The following CDKN2B-AS1 variants were observed in gnomAD, a reference collection of about 807,000 sequenced individuals.
CDKN2B-AS1 encodes CDKN2B and CDKN2A antisense cis and trans regulatory RNA 1, also known as CDKN2B antisense RNA 1 (non-protein coding).
intron 3 of CDKN2B-AS1, among the ~76,000 whole-genome samples, chr9:22,054,094 T>C (rs1288490763): frequency 1.3e-5 from 2 of 152,240 alleles, no homozygotes; most frequent in East Asian, 3.8e-4. Flanking sequence ...GCACATACTA[T>C]AAGCTGGTGA....
At position 22,050,846 on chromosome 9, in the gene CDKN2B-AS1, C is replaced by T. The variant is rs559870944; in HGVS notation, n.302+1618C>T. On this transcript the variant is annotated intron_variant and non_coding_transcript_variant, in intron 3 of 4. Coordinates refer to ENST00000650946, the Ensembl canonical transcript of CDKN2B-AS1. ...CTGATATCACCCTTCAAATAGTTCA[C>T]CTCAGTGGGATCCAGTGTGTGACCT... Among the ~76,000 whole-genome samples the T allele has an allele frequency of 4.6e-5, 7 of 152,298 alleles. No homozygotes were observed. The East Asian group carries it at 1.4e-3, about 29-fold the overall frequency.
At chr9:22,099,795 A>G (rs1002032574) in intron 4 of CDKN2B-AS1, among the ~76,000 whole-genome samples, 2 of 152,202 alleles carry the variant, frequency 1.3e-5, no homozygotes, top group Admixed American at 1.3e-4. Flanking sequence ...CAAGTTGTGG[A>G]AAAAAGGTGT....
chr9:22,101,772 A>G (rs1387195622), intron 4 of CDKN2B-AS1, among the ~76,000 whole-genome samples: 1 of 152,052 alleles, frequency 6.6e-6, no homozygotes, highest in African/African-American at 2.4e-5. Flanking sequence ...AGAGAGGCCT[A>G]GAAGCAAGAG....
intron 1 of CDKN2B-AS1, chr9:22,029,363 G>T (rs1026816349): frequency 1.3e-6 from 1 of 764,396 alleles, no homozygotes; most frequent in South Asian, 1.4e-5. Context: ...ATTCCTGATG[G>T]AATGTTTAGT....
chr9:22,081,193 C>G (rs1207953546), intron 4 of CDKN2B-AS1, among the ~76,000 whole-genome samples: 1 of 150,742 alleles, frequency 6.6e-6, no homozygotes, highest in Non-Finnish European at 1.5e-5. Context: ...TTTTGTCATA[C>G]AAGTTTTTAA....
intron 1 of CDKN2B-AS1, among the ~76,000 whole-genome samples, chr9:22,042,532 T>C (rs1374698480): frequency 6.6e-6 from 1 of 152,052 alleles, no homozygotes; most frequent in Non-Finnish European, 1.5e-5. Flanking sequence ...ATCTGTGTGG[T>C]TGTGAGTCAA....
chr9:22,091,452 C>T (rs1477250620), intron 4 of CDKN2B-AS1, among the ~76,000 whole-genome samples: 3 of 152,084 alleles, frequency 2.0e-5, no homozygotes, highest in African/African-American at 7.2e-5. Context: ...ATTCTTCCTA[C>T]CCATGAGCAT....
At chr9:22,065,643 T>C (rs1824004616) in intron 4 of CDKN2B-AS1, 2 of 152,070 alleles carry the variant, frequency 1.3e-5, no homozygotes, top group African/African-American at 4.8e-5. Flanking sequence ...CTACTGACAG[T>C]GATTTTTTTC....
intron 1 of CDKN2B-AS1, among the ~76,000 whole-genome samples, chr9:22,013,792 C>CT (rs1043431668): frequency 3.3e-5 from 5 of 151,536 alleles, no homozygotes; most frequent in African/African-American, 4.8e-5. Context: ...CTTTTGCCTT[C>CT]TTTTTTTTTC....
chr9:22,009,318 G>A (rs1466527254), intron 1 of CDKN2B-AS1: 1 of 421,272 alleles, frequency 2.4e-6, no homozygotes, highest in East Asian at 4.5e-5. Flanking sequence ...GGAGCCAGCC[G>A]GCAAAGAATT....
At chr9:22,081,182 A>G (rs1011934731) in intron 4 of CDKN2B-AS1, among the ~76,000 whole-genome samples, 3 of 150,936 alleles carry the variant, frequency 2.0e-5, no homozygotes, top group South Asian at 4.2e-4. Flanking sequence ...TGTCATGTAC[A>G]TTTTGTCATA....
chr9:22,122,969 C>T (rs1417641408), intron 4 of CDKN2B-AS1, among the ~76,000 whole-genome samples: 1 of 151,952 alleles, frequency 6.6e-6, no homozygotes, highest in Non-Finnish European at 1.5e-5. Flanking sequence ...TGCATTGAAT[C>T]TATAGGTTGC....
rs1235993752 is a variant in CDKN2B-AS1 at position 22,000,792 on chromosome 9, A to T, written n.29+5631A>T. On this transcript the variant is annotated intron_variant and non_coding_transcript_variant, in intron 1 of 4. Coordinates refer to ENST00000650946, the Ensembl canonical transcript of CDKN2B-AS1. The surrounding 1 kb of genome is among the most constrained non-coding windows in gnomAD (Gnocchi z 4.1). The stretch of plus-strand genomic sequence containing the variant: ...ATAACAGTACTTGCAGCTTAATTAA[A>T]GAAAAAATGCAAGTATCTTATTTAT... Among the ~76,000 whole-genome samples the T allele has an allele frequency of 6.6e-6, 1 of 152,228 alleles. No individual in the cohort carries two copies. The highest frequency in any genetic ancestry group is 1.5e-5 in the Non-Finnish European group (1 of 68,026).
intron 4 of CDKN2B-AS1, among the ~76,000 whole-genome samples, chr9:22,092,911 A>G (rs1200295309): frequency 6.6e-6 from 1 of 151,744 alleles, no homozygotes; most frequent in Non-Finnish European, 1.5e-5. Context: ...TTTAATTGTG[A>G]TGTTAGGGTG....
chr9:22,102,672 C>T (rs1282052820), intron 4 of CDKN2B-AS1, among the ~76,000 whole-genome samples: 2 of 152,146 alleles, frequency 1.3e-5, no homozygotes, highest in African/African-American at 2.4e-5. Flanking sequence ...AGACACTCAC[C>T]TAAAACCCAA....
intron 4 of CDKN2B-AS1, among the ~76,000 whole-genome samples, chr9:22,104,943 A>C (rs1825608110): frequency 6.6e-6 from 1 of 152,194 alleles, no homozygotes; most frequent in Non-Finnish European, 1.5e-5. Flanking sequence ...CTAAGATAGA[A>C]GTTTTATAAT....
At chr9:22,018,421 G>T (rs1821874579) in intron 1 of CDKN2B-AS1, among the ~76,000 whole-genome samples, 1 of 152,118 alleles carries the variant, frequency 6.6e-6, no homozygotes, top group South Asian at 2.1e-4. Context: ...ACTTTGGGAG[G>T]CCGAGGCGGG....
chr9:22,019,120 A>T (rs931831213), intron 1 of CDKN2B-AS1, among the ~76,000 whole-genome samples: 1 of 152,218 alleles, frequency 6.6e-6, no homozygotes, highest in African/African-American at 2.4e-5. Flanking sequence ...GAGCATAGGG[A>T]TGGAGGAAAA....
At chr9:22,068,538 ATCTAAAAGGTGTAGTT>A (rs776265144) in intron 4 of CDKN2B-AS1, among the ~76,000 whole-genome samples, 11 of 152,170 alleles carry the variant, frequency 7.2e-5, no homozygotes, top group Non-Finnish European at 1.6e-4. Flanking sequence ...TACAGAAGGA[ATCTAAAAGGTGTAGTT>A]TCTGTAGCAG....
Sources: gnomAD v4.1 joint callset for allele counts (sites outside exome capture counted in the v4.1 genomes callset) on GRCh38, gnomAD v4.1.1 for gene constraint, Gnocchi (gnomAD v3.1) non-coding constraint, MANE v1.5 for transcripts, NCBI Gene and HGNC (gene_info 2026-07-23, HGNC 2026-07-21) for gene names.